The following GAB2 variants were observed in gnomAD, a reference collection of about 807,000 sequenced individuals.
The protein encoded by GAB2 is GRB2 associated binding protein 2, also known as GRB2-associated-binding protein 2.
A neutral mutation model predicts 65.5 loss-of-function variants in GAB2; 26 were observed. The observed-to-expected ratio is 0.40, with a 90% CI of 0.29 to 0.55. GAB2 has a LOEUF of 0.55. Ranked by LOEUF, GAB2 falls within the 20% of genes least tolerant of loss-of-function variation. GAB2 has a pLI of 0.53. For missense variants in GAB2, 884 were observed against 875.8 expected (o/e 1.01, Z -0.12); for synonymous variants, 321 against 329.6 (o/e 0.97, Z 0.28).
intron 6 of GAB2, among the ~76,000 whole-genome samples, chr11:78,222,748 A>T (rs1296867428): frequency 2.0e-5 from 3 of 151,748 alleles, no homozygotes; most frequent in Non-Finnish European, 4.4e-5. Context: ...ACGCTTAGCT[A>T]ATTTTTATAT....
At chr11:78,241,766 GGGAATA>G (rs1433055481) in intron 3 of GAB2, among the ~76,000 whole-genome samples, 1 of 152,148 alleles carries the variant, frequency 6.6e-6, no homozygotes, top group Non-Finnish European at 1.5e-5. Flanking sequence ...GAAGGAAAGG[GGGAATA>G]CAAATGAAAA....
At chr11:78,332,602 A>C (rs1855933546) in intron 1 of GAB2, among the ~76,000 whole-genome samples, 1 of 152,236 alleles carries the variant, frequency 6.6e-6, no homozygotes, top group Admixed American at 6.5e-5. Context: ...TCAAAAAATA[A>C]ACCTCACAAC....
intron 1 of GAB2, among the ~76,000 whole-genome samples, chr11:78,313,585 T>C (rs928133601): frequency 6.6e-6 from 1 of 152,164 alleles, no homozygotes; most frequent in Non-Finnish European, 1.5e-5. Flanking sequence ...ACCCCTCCAA[T>C]AGGCTGATTC....
chr11:78,278,680 C>T (rs1365630042), intron 2 of GAB2, among the ~76,000 whole-genome samples: 1 of 151,438 alleles, frequency 6.6e-6, no homozygotes, highest in African/African-American at 2.4e-5. Context: ...TGCCCAGCTC[C>T]CTGGCCTTTT....
rs1017564784 is a variant in GAB2 at position 78,215,788 on chromosome 11, T to G, written c.*3484A>C. The G allele has an allele frequency of 1.9e-4, 29 of 152,638 alleles. No individual in the cohort carries two copies. The highest frequency in any genetic ancestry group is 6.5e-4 in the African/African-American group (27 of 41,446). 9.5% of individuals were successfully genotyped at this position (152,638 alleles called of 1,614,324 possible). On this transcript the variant is annotated 3_prime_UTR_variant, in exon 10 of 10. Transcript: ENST00000361507. ...AAGACGACCCCCCACGGAAGGGCTT[T>G]AGCGCTCCTGAGACCAGTCTGGCTT... is the stretch of plus-strand genomic sequence containing the variant.
intron 1 of GAB2, among the ~76,000 whole-genome samples, chr11:78,364,640 TC>T (rs1565174247): frequency 6.6e-6 from 1 of 152,068 alleles, no homozygotes; most frequent in Admixed American, 6.6e-5. Flanking sequence ...TTAATAGCCA[TC>T]CCCCCAAATT....
chr11:78,414,724 T>C (rs559691044), intron 1 of GAB2, among the ~76,000 whole-genome samples: 3 of 152,284 alleles, frequency 2.0e-5, no homozygotes, highest in African/African-American at 4.8e-5. Context: ...ACTCAGTAAA[T>C]AGCAGATAGG....
intron 3 of GAB2, among the ~76,000 whole-genome samples, chr11:78,248,026 C>G (rs1425174607): frequency 6.6e-6 from 1 of 152,186 alleles, no homozygotes; most frequent in Admixed American, 6.5e-5. Flanking sequence ...TAGCTTATCC[C>G]TCTACAACAT....
chr11:78,327,499 G>A (rs1855844540), intron 1 of GAB2, among the ~76,000 whole-genome samples: 1 of 152,146 alleles, frequency 6.6e-6, no homozygotes, highest in Admixed American at 6.6e-5. Context: ...ATAATATTCT[G>A]AACATAATGG....
intron 1 of GAB2, among the ~76,000 whole-genome samples, chr11:78,346,769 G>C (rs1217036266): frequency 7.3e-6 from 1 of 137,248 alleles, no homozygotes. Context: ...TGCTAGGTAA[G>C]ACTCAGAGAC....
chr11:78,242,810 TAAACAAAATC>T (rs1281678312), intron 3 of GAB2, among the ~76,000 whole-genome samples: 2 of 151,960 alleles, frequency 1.3e-5, no homozygotes, highest in Non-Finnish European at 2.9e-5. Context: ...TTTCAAAGAA[TAAACAAAATC>T]AAACCAGTAG....
Position 78,361,284 on chromosome 11 carries a change from A to G in GAB2, c.75+56362T>C, listed in dbSNP as rs139748502. Among the ~76,000 whole-genome samples the G allele has an allele frequency of 9.0e-3, 1,373 of 152,304 alleles. 12 individuals are homozygous for G. The highest frequency in any genetic ancestry group is 0.017 in the Middle Eastern group (5 of 294). On this transcript the variant is annotated intron_variant, in intron 1 of 9. Transcript: ENST00000361507. ...ACATAGTACATTTCTTTTATAGCCTATAAGAGGGAAAGTCTATTACCTAAA... is the reference window on the plus strand; with the variant it reads ...ACATAGTACATTTCTTTTATAGCCTGTAAGAGGGAAAGTCTATTACCTAAA...
At chr11:78,233,898 AC>A (rs1195491344) in intron 3 of GAB2, among the ~76,000 whole-genome samples, 1 of 152,198 alleles carries the variant, frequency 6.6e-6, no homozygotes, top group East Asian at 1.9e-4. Flanking sequence ...GGCGTGGGCC[AC>A]CACGCCCAGC....
At chr11:78,304,822 T>C (rs187895791) in intron 1 of GAB2, among the ~76,000 whole-genome samples, 1 of 152,204 alleles carries the variant, frequency 6.6e-6, no homozygotes, top group Admixed American at 6.5e-5. Context: ...TTCCTTCATT[T>C]GGTTCCAAAC....
chr11:78,236,249 C>T (rs1864977102), intron 3 of GAB2, among the ~76,000 whole-genome samples: 1 of 152,228 alleles, frequency 6.6e-6, no homozygotes, highest in Non-Finnish European at 1.5e-5. Context: ...TTGTTCACTG[C>T]ATACTGTAAA....
intron 2 of GAB2, among the ~76,000 whole-genome samples, chr11:78,251,473 T>C (rs1475165471): frequency 6.6e-6 from 1 of 152,252 alleles, no homozygotes; most frequent in African/African-American, 2.4e-5. Context: ...CATTATTCAT[T>C]TGGCTGGCTC....
At chr11:78,307,343 C>T (rs966663256) in intron 1 of GAB2, among the ~76,000 whole-genome samples, 1 of 151,866 alleles carries the variant, frequency 6.6e-6, no homozygotes, top group East Asian at 1.9e-4. Context: ...TAAGGTAAGC[C>T]TGAAAATTAT....
Position 78,226,636 on chromosome 11 carries a change from C to T in GAB2, c.1036G>A (p.Asp346Asn), listed in dbSNP as rs1565114738. Residue 346 changes from aspartate (D) to asparagine (N), a missense_variant, in exon 4 of 10, where the codon GAC becomes AAC. Coordinates refer to ENST00000361507, the MANE Select transcript of GAB2 (RefSeq NM_080491.3). ...CGGGGTGGGGGAGCTATGGCTGAGT[C>T]CCCAGGAGTGGCCACTGTCATGGCA... ...HNAMTVATPGDSAIAPPPRPP... is the reference protein window; with the variant it reads ...HNAMTVATPGNSAIAPPPRPP... 1 of 1,613,806 alleles carries T rather than the reference C, an allele frequency of 6.2e-7. No homozygotes were observed. The highest frequency in any genetic ancestry group is 8.5e-7 in the Non-Finnish European group (1 of 1,179,800).
At chr11:78,346,674 CATATATAT>C (rs71046967) in intron 1 of GAB2, among the ~76,000 whole-genome samples, 2,423 of 54,596 alleles carry the variant, frequency 0.044, 72 homozygotes, top group Non-Finnish European at 0.055. Context: ...ACATCCCCTC[CATATATAT>C]ATATATATAT....
Sources: gnomAD v4.1 joint callset for allele counts (sites outside exome capture counted in the v4.1 genomes callset) on GRCh38, gnomAD v4.1.1 for gene constraint, MANE v1.5 for transcripts, NCBI Gene and HGNC (gene_info 2026-07-23, HGNC 2026-07-21) for gene names.